SLC24A2: variants seen among roughly 807,000 people sequenced by gnomAD.
The protein encoded by SLC24A2 is solute carrier family 24 member 2.
A neutral mutation model predicts 62.0 loss-of-function variants in SLC24A2; 36 were observed. The ratio of observed to expected loss-of-function variants is 0.58; its 90% CI spans 0.44 to 0.77. The LOEUF (loss-of-function observed/expected upper bound fraction) is 0.77, where lower values mean the gene tolerates loss of function less well. SLC24A2 is among the 30% of genes least tolerant of loss of function. SLC24A2 has a pLI of 0.00. For synonymous variants in SLC24A2, 358 were observed against 294.0 expected (o/e 1.22, Z -2.23); for missense variants, 846 against 817.9 (o/e 1.03, Z -0.42).
At chr9:19,650,511 C>T (rs1818768545) in intron 2 of SLC24A2, among the ~76,000 whole-genome samples, 1 of 152,168 alleles carries the variant, frequency 6.6e-6, no homozygotes, top group Non-Finnish European at 1.5e-5. Flanking sequence ...GATAATCTCC[C>T]ACGCCCATCA....
chr9:19,591,719 G>A (rs1034296257), intron 5 of SLC24A2, among the ~76,000 whole-genome samples: 1 of 152,238 alleles, frequency 6.6e-6, no homozygotes, highest in African/African-American at 2.4e-5. Flanking sequence ...AAGGATGGAA[G>A]GAGCCTGGGT....
At chr9:19,962,277 T>G in the SLC24A2 span, among the ~76,000 whole-genome samples, 1 of 152,222 alleles carries the variant, frequency 6.6e-6, no homozygotes, top group Admixed American at 6.5e-5. Context: ...CCTTGTAGTA[T>G]AGTTTGAAGT....
the SLC24A2 span, among the ~76,000 whole-genome samples, chr9:20,048,541 C>G: frequency 6.6e-6 from 1 of 152,072 alleles, no homozygotes; most frequent in Non-Finnish European, 1.5e-5. Context: ...GCTCACAAAG[C>G]TAGTCTGAAA....
At chr9:19,624,598 C>T (rs947065474) in intron 2 of SLC24A2, among the ~76,000 whole-genome samples, 6 of 152,112 alleles carry the variant, frequency 3.9e-5, no homozygotes, top group Admixed American at 2.0e-4. Context: ...CAGAGACAGG[C>T]CTGAAATTCT....
At chr9:20,117,079 G>C in the SLC24A2 span, among the ~76,000 whole-genome samples, 1 of 152,128 alleles carries the variant, frequency 6.6e-6, no homozygotes, top group African/African-American at 2.4e-5. Flanking sequence ...GGCTAGTAAT[G>C]TATTTTGGCA....
chr9:19,885,412 A>C, the SLC24A2 span, among the ~76,000 whole-genome samples: 1 of 152,196 alleles, frequency 6.6e-6, no homozygotes, highest in Non-Finnish European at 1.5e-5. Context: ...ATGATGCTTT[A>C]ATGTATAGAG....
At position 19,667,613 on chromosome 9, in the gene SLC24A2, C is replaced by G. The variant is rs139399431; in HGVS notation, c.931-45314G>C. Among the ~76,000 whole-genome samples, 12 of 152,234 alleles carry G rather than the reference C, an allele frequency of 7.9e-5. No individual in the cohort carries two copies. In the East Asian group the frequency reaches 2.3e-3, roughly 29 times the overall value. On this transcript the variant is annotated intron_variant, in intron 2 of 10. Transcript: ENST00000341998. ...CATTCTCTACTTCAGTCCATGGGAG[C>G]TTTCTAAATTGCCCCATTCTTCCCC...
the SLC24A2 span, among the ~76,000 whole-genome samples, chr9:19,969,215 A>ACACACACACACACC: frequency 1.3e-5 from 2 of 151,170 alleles, no homozygotes; most frequent in African/African-American, 4.9e-5. Context: ...ACACACACAC[A>ACACACACACACACC]CACACACACA....
At chr9:19,722,657 TAA>T (rs11336427) in intron 2 of SLC24A2, among the ~76,000 whole-genome samples, 84 of 149,120 alleles carry the variant, frequency 5.6e-4, no homozygotes, top group East Asian at 7.9e-4. Flanking sequence ...AATAGGATAT[TAA>T]AAAAAAAAAA....
At chr9:19,876,352 T>C in the SLC24A2 span, among the ~76,000 whole-genome samples, 2 of 148,364 alleles carry the variant, frequency 1.3e-5, no homozygotes, top group East Asian at 1.9e-4. Context: ...TTAAAATGTA[T>C]GTTTATTGAA....
At chr9:20,282,326 T>C in the SLC24A2 span, among the ~76,000 whole-genome samples, 9 of 152,178 alleles carry the variant, frequency 5.9e-5, no homozygotes, top group South Asian at 2.1e-4. Flanking sequence ...CTCTTTTTCA[T>C]TGATCTCTGG....
At chr9:19,980,898 C>T in the SLC24A2 span, among the ~76,000 whole-genome samples, 1 of 152,210 alleles carries the variant, frequency 6.6e-6, no homozygotes, top group African/African-American at 2.4e-5. Context: ...ATTACGACTT[C>T]AATCCATGGG....
At chr9:20,245,697 A>C in the SLC24A2 span, among the ~76,000 whole-genome samples, 1 of 152,218 alleles carries the variant, frequency 6.6e-6, no homozygotes, top group African/African-American at 2.4e-5. Context: ...AACAAAATGC[A>C]GGGAGCGATA....
At chr9:20,243,933 G>A in the SLC24A2 span, among the ~76,000 whole-genome samples, 2 of 151,972 alleles carry the variant, frequency 1.3e-5, no homozygotes, top group Middle Eastern at 6.8e-3. Flanking sequence ...GATAGAAGGA[G>A]GGACCTCGAG....
chr9:20,046,210 C>T, the SLC24A2 span, among the ~76,000 whole-genome samples: 2 of 152,346 alleles, frequency 1.3e-5, no homozygotes, highest in African/African-American at 4.8e-5. Flanking sequence ...CAAGTGCCCA[C>T]TGTGTGGGGT....
the SLC24A2 span, among the ~76,000 whole-genome samples, chr9:19,896,914 T>A: frequency 6.6e-6 from 1 of 152,240 alleles, no homozygotes; most frequent in Non-Finnish European, 1.5e-5. Context: ...ATTATTCTTT[T>A]AAAGTGTCTA....
the SLC24A2 span, among the ~76,000 whole-genome samples, chr9:20,271,496 T>A: frequency 2.8e-4 from 42 of 152,222 alleles, no homozygotes; most frequent in Non-Finnish European, 1.5e-5. Context: ...ACTCAACAGA[T>A]CATCTCTGAG....
intron 7 of SLC24A2, among the ~76,000 whole-genome samples, chr9:19,561,925 ACT>A (rs1288911009): frequency 3.3e-5 from 5 of 152,082 alleles, no homozygotes; most frequent in African/African-American, 9.7e-5. Context: ...CTTGGACAAG[ACT>A]CTGAACTGAA....
At chr9:19,619,201 T>C (rs1448686260) in intron 4 of SLC24A2, among the ~76,000 whole-genome samples, 1 of 152,218 alleles carries the variant, frequency 6.6e-6, no homozygotes, top group African/African-American at 2.4e-5. Context: ...TCTCTCTTTT[T>C]TAAGGTGCAC....
Sources: allele counts gnomAD v4.1 joint callset (sites outside exome capture counted in the v4.1 genomes callset), GRCh38; gene constraint gnomAD v4.1.1; transcripts MANE v1.5; gene names NCBI Gene and HGNC (gene_info 2026-07-23, HGNC 2026-07-21).